Variants in SPEG observed in about 807,000 individuals in gnomAD.
The protein encoded by SPEG is striated muscle enriched protein kinase, also known as striated muscle preferentially expressed protein kinase.
Under a neutral mutation model 300.4 loss-of-function variants are expected in SPEG, and 114 were observed. The ratio of observed to expected loss-of-function variants is 0.38; its 90% CI spans 0.33 to 0.44. The LOEUF (loss-of-function observed/expected upper bound fraction) is 0.44, where lower values mean the gene tolerates loss of function less well. Ranked by LOEUF, SPEG falls within the 20% of genes least tolerant of loss-of-function variation. The probability of loss-of-function intolerance (pLI) is 1.00; values close to 1 mark genes in which losing one functional copy is unlikely to be tolerated. For synonymous variants in SPEG, 1,964 were observed against 2,018.9 expected (o/e 0.97, Z 0.73); for missense variants, 4,201 against 4,586.2 (o/e 0.92, Z 2.43).
In SPEG at chr2:219,444,594, G is replaced by A. The variant is rs1689145372; in HGVS notation, c.389-59G>A. On this transcript the variant is annotated intron_variant, in intron 1 of 40. Transcript: ENST00000312358. The surrounding 1 kb of genome is among the most constrained non-coding windows in gnomAD (Gnocchi z 7.8). ...GTTGGCAGGGAGGCAGAAGGCAATA[G>A]GGAAGAGTTGGAGGCAGAGGGAGGA... 2 of 1,447,334 alleles carry A rather than the reference G, an allele frequency of 1.4e-6. No homozygotes were observed. Among genetic ancestry groups the A allele is most frequent in the Admixed American group, 3.4e-5 (2 of 58,302 alleles). The allele number at this position is 1,447,334 out of a possible 1,614,324, so 89.7% of individuals were successfully genotyped here.
Position 219,477,496 on chromosome 2 carries a change from T to C in SPEG, c.4729+51T>C. 7.9e-6 allele frequency: 12 copies of C among 1,510,922 alleles called. No individual in the cohort carries two copies. Among genetic ancestry groups the C allele is most frequent in the Non-Finnish European group, 8.9e-6 (10 of 1,123,640 alleles). 93.6% of individuals were successfully genotyped at this position (1,510,922 alleles called of 1,614,324 possible). On this transcript the variant is annotated intron_variant, in intron 20 of 40. Coordinates refer to ENST00000312358, the MANE Select transcript of SPEG (RefSeq NM_005876.5). This position sits in a 1 kb window ranked among gnomAD's most constrained non-coding sequence, Gnocchi z 6.4. ...AAAGCGCACACCCCCTGGAATCTGA[T>C]GTGACCCTCCATGCTCTGCCCAGGA...
In SPEG at chr2:219,469,068, T is replaced by C. The variant is rs1691637947; in HGVS notation, c.3491+20T>C. The C allele has an allele frequency of 6.2e-6, 10 of 1,609,302 alleles. No individual in the cohort carries two copies. Among genetic ancestry groups the C allele is most frequent in the Non-Finnish European group, 8.5e-6 (10 of 1,177,246 alleles). On this transcript the variant is annotated intron_variant, in intron 12 of 40. Transcript: ENST00000312358. The stretch of plus-strand genomic sequence containing the variant: ...CCCCAGGTACCACCGGGGCCCCAAA[T>C]GATGCTGGGGCTGCCTGTGAGGGGC...
rs760210592 is a variant in SPEG, at chr2:219,469,042, G to T, written c.3485G>T (p.Gly1162Val). ...YVEEPRTAAS[G>V]PSSKLEKMPS... ...GAAGAGCCCCGGACAGCCGCCTCAG[G>T]CCCCAGGTACCACCGGGGCCCCAAA... Residue 1162 changes from glycine to valine, a missense_variant, in exon 12 of 41, where the codon GGC becomes GTC. Gly to Val is a moderately radical substitution (Grantham distance 109, BLOSUM62 -3). Coordinates refer to ENST00000312358, the MANE Select transcript of SPEG (RefSeq NM_005876.5). The T allele has an allele frequency of 1.9e-6, 3 of 1,611,844 alleles. No homozygotes were observed. Among genetic ancestry groups the T allele is most frequent in the African/African-American group, 1.3e-5 (1 of 74,882 alleles).
chr2:219,466,333 G>T, intron 9 of SPEG: 1 of 1,408,172 alleles, frequency 7.1e-7, no homozygotes, highest in Non-Finnish European at 9.2e-7. Flanking sequence ...GGGCGGCTGC[G>T]AGGGGTATCA....
chr2:219,481,403 C>T lies in SPEG; in HGVS notation c.5469C>T (p.Ser1823=). 1.2e-6 allele frequency: 2 copies of T among 1,614,144 alleles called. No individual in the cohort carries two copies. Among genetic ancestry groups the T allele is most frequent in the Non-Finnish European group, 1.7e-6 (2 of 1,180,018 alleles). ...NVAFEETTFL[S]LSREARGFLI... ...CCTTCGAGGAGACCACATTCCTGAG[C>T]CTGAGCAGGGAGGCCCGGGGCTTCC... The change falls in exon 27 of 41, where the codon AGC becomes AGT. Residue 1823 remains serine (S), a synonymous_variant. Transcript: ENST00000312358. The surrounding 1 kb of genome is among the most constrained non-coding windows in gnomAD (Gnocchi z 5.4).
intron 6 of SPEG, among the ~76,000 whole-genome samples, chr2:219,456,233 A>G (rs1222232277): frequency 6.6e-6 from 1 of 152,258 alleles, no homozygotes; most frequent in African/African-American, 2.4e-5. Context: ...AACAAAAACA[A>G]GGAAGAAAAC....
intron 6 of SPEG, among the ~76,000 whole-genome samples, chr2:219,457,112 C>T (rs940233239): frequency 2.0e-5 from 3 of 152,184 alleles, no homozygotes; most frequent in African/African-American, 4.8e-5. Flanking sequence ...CAGCCGTGTC[C>T]TCCCTTTCCC....
intron 38 of SPEG, 107 bp from the exon 39 acceptor site, chr2:219,491,687 C>T: frequency 1.2e-6 from 1 of 849,442 alleles, no homozygotes; most frequent in Non-Finnish European, 1.9e-6. Flanking sequence ...TTCCCATGGT[C>T]TGGTGACCAG....
intron 6 of SPEG, among the ~76,000 whole-genome samples, chr2:219,457,417 T>C (rs533904034): frequency 6.6e-6 from 1 of 152,266 alleles, no homozygotes; most frequent in African/African-American, 2.4e-5. Context: ...ACCCCGTCTC[T>C]ACTAAGAATA....
Position 219,473,707 on chromosome 2 carries a change from T to C in SPEG, c.4272-21T>C. 1 of 1,612,764 alleles carries C rather than the reference T, an allele frequency of 6.2e-7. No homozygotes were observed. On this transcript the variant is annotated intron_variant, in intron 17 of 40. Coordinates refer to ENST00000312358, the MANE Select transcript of SPEG (RefSeq NM_005876.5). The surrounding 1 kb of genome is among the most constrained non-coding windows in gnomAD (Gnocchi z 4.6). ...GCCCTGGGGCAAGATCTGGGTGACC[T>C]CCCTGTCATGTGTCCCCTAGCTGCC...
rs889297847 is a variant in SPEG at position 219,451,326 on chromosome 2, T to C, written c.2257+47T>C. 6 of 1,541,002 alleles carry C rather than the reference T, an allele frequency of 3.9e-6. No homozygotes were observed. Among genetic ancestry groups the C allele is most frequent in the Middle Eastern group, 4.2e-4 (2 of 4,774 alleles). ...AGGTGCGGTCGAGGTTGGGAGGGGG[T>C]GTGTGAGAAGGGAAGGGGAGGTTCC... On this transcript the variant is annotated intron_variant, in intron 5 of 40. Coordinates refer to ENST00000312358, the MANE Select transcript of SPEG (RefSeq NM_005876.5). This position sits in a 1 kb window ranked among gnomAD's most constrained non-coding sequence, Gnocchi z 6.4.
rs371730241 is a variant in SPEG at position 219,443,065 on chromosome 2, C to T, written c.389-1588C>T. On this transcript the variant is annotated intron_variant, in intron 1 of 40. Transcript: ENST00000312358. The surrounding 1 kb of genome is among the most constrained non-coding windows in gnomAD (Gnocchi z 4.6). The stretch of plus-strand genomic sequence containing the variant: ...ATGGGAGGCACAGGGACCTTAGGAA[C>T]AAGCCTCCCCCTCAACTACTCATTC... 9 of 1,580,104 alleles carry T rather than the reference C, an allele frequency of 5.7e-6. No homozygotes were observed. The highest frequency in any genetic ancestry group is 7.8e-6 in the Non-Finnish European group (9 of 1,155,260).
chr2:219,456,915 AAAAAAAAAAGAAAAGAAAAAG>A (rs1230858725), intron 6 of SPEG, among the ~76,000 whole-genome samples: 50 of 51,168 alleles, frequency 9.8e-4, no homozygotes, highest in African/African-American at 1.8e-3. Flanking sequence ...TCTCAAAAAA[AAAAAAAAAAGAAAAGAAAAAG>A]AAAAAAAAGA....
At chr2:219,457,062 C>T in intron 6 of SPEG, among the ~76,000 whole-genome samples, 1 of 152,184 alleles carries the variant, frequency 6.6e-6, no homozygotes, top group East Asian at 1.9e-4. Context: ...CAAGGGGAAA[C>T]ATTCATGTCA....
In SPEG at chr2:219,477,017, G is replaced by A; in HGVS notation, c.4560+35G>A. 1 of 1,537,704 alleles carries A rather than the reference G, an allele frequency of 6.5e-7. No homozygotes were observed. Among genetic ancestry groups the A allele is most frequent in the South Asian group, 1.2e-5 (1 of 83,846 alleles). On this transcript the variant is annotated intron_variant, in intron 19 of 40. Coordinates refer to ENST00000312358, the MANE Select transcript of SPEG (RefSeq NM_005876.5). This position sits in a 1 kb window ranked among gnomAD's most constrained non-coding sequence, Gnocchi z 6.4. ...TGCTGCTGGCTGAGCCTGGGGGAGG[G>A]AGGAGGGGCTCCCTGGGGGCGTGGG... is the stretch of plus-strand genomic sequence containing the variant.
At chr2:219,447,783 C>G (rs1016296652) in intron 3 of SPEG, among the ~76,000 whole-genome samples, 191 bp from the exon 4 acceptor site, 7 of 151,654 alleles carry the variant, frequency 4.6e-5, no homozygotes, top group Non-Finnish European at 1.0e-4. Flanking sequence ...GTTCCAGAGC[C>G]GCCGGCCTCT....
rs1339650676 is a variant in SPEG at position 219,473,493 on chromosome 2, C to T, written c.4148-11C>T. 5 of 1,613,552 alleles carry T rather than the reference C, an allele frequency of 3.1e-6. No individual in the cohort carries two copies. Among genetic ancestry groups the T allele is most frequent in the Non-Finnish European group, 4.2e-6 (5 of 1,179,838 alleles). On this transcript the variant is annotated splice_polypyrimidine_tract_variant and intron_variant, in intron 16 of 40. Transcript: ENST00000312358. The surrounding 1 kb of genome is among the most constrained non-coding windows in gnomAD (Gnocchi z 4.6). ...AAGCCCAGCACAGAGCCTGCGCTCT[C>T]CTCCTCCCAGGCCCAACCCTGGAGG...
Position 219,491,851 on chromosome 2 carries a change from G to C in SPEG, c.9443G>C (p.Gly3148Ala). Reference sequence around the variant, plus strand: ...TCTGCCACGGACATCTGGGGAGCGGGTGTGCTCACTTACATTATGTGAGTG... The same window carrying C: ...TCTGCCACGGACATCTGGGGAGCGGCTGTGCTCACTTACATTATGTGAGTG... ...IGSATDIWGA[G>A]VLTYIMLSGR... Residue 3148 changes from glycine (G) to alanine (A), a missense_variant, in exon 39 of 41, where the codon GGT becomes GCT. Physicochemically the swap from Gly to Ala is moderately conservative, Grantham distance 60. Coordinates refer to ENST00000312358, the MANE Select transcript of SPEG (RefSeq NM_005876.5). 6.2e-7 allele frequency: 1 copy of C among 1,611,218 alleles called. No individual in the cohort carries two copies. Among genetic ancestry groups the C allele is most frequent in the Non-Finnish European group, 8.5e-7 (1 of 1,178,752 alleles).
In SPEG at chr2:219,469,260, T is replaced by G. The variant is rs1575123096; in HGVS notation, c.3596T>G (p.Val1199Gly). 6.2e-7 allele frequency: 1 copy of G among 1,613,562 alleles called. No homozygotes were observed. The highest frequency in any genetic ancestry group is 8.5e-7 in the Non-Finnish European group (1 of 1,179,918). The change falls in exon 13 of 41, where the codon GTG becomes GGG. Residue 1199 changes from valine (V) to glycine (G), a missense_variant. Val to Gly is a moderately radical substitution (Grantham distance 109). This residue lies in a region of SPEG where 1,047 missense variants were observed against 1,356.8 expected (regional missense o/e 0.77). Coordinates refer to ENST00000312358, the MANE Select transcript of SPEG (RefSeq NM_005876.5). ...DFLRPLQDLE[V>G]GLAKEAMLEC... The stretch of plus-strand genomic sequence containing the variant: ...CTGCGGCCACTGCAGGACCTGGAGG[T>G]GGGACTGGCCAAGGAGGCCATGCTA...
Sources: allele counts gnomAD v4.1 joint callset (sites outside exome capture counted in the v4.1 genomes callset), GRCh38; gene constraint gnomAD v4.1.1; regional missense constraint gnomAD v4.1.1; non-coding constraint Gnocchi (gnomAD v3.1); transcripts MANE v1.5; gene names NCBI Gene and HGNC (gene_info 2026-07-23, HGNC 2026-07-21).